FCRL2: variants seen among roughly 807,000 people sequenced by gnomAD.
FCRL2 encodes the protein Fc receptor like 2, also known as Fc receptor-like protein 2.
Under a neutral mutation model 59.8 loss-of-function variants are expected in FCRL2, and 48 were observed. That is an observed-to-expected ratio of 0.80 (90% CI 0.64 to 1.02). The LOEUF (loss-of-function observed/expected upper bound fraction) is 1.02. FCRL2 is among the 50% of genes least tolerant of loss of function. FCRL2 has a pLI of 0.00. For missense variants in FCRL2, 658 were observed against 597.3 expected, an observed-to-expected ratio of 1.10 and a Z score of -1.06; for synonymous variants, 251 against 229.5, an observed-to-expected ratio of 1.09 and a Z score of -0.85.
At chr1:157,767,202 A>T (rs1168451952) in intron 6 of FCRL2, 29 bp downstream of exon 6, 1 of 1,589,704 alleles carries the variant, frequency 6.3e-7, no homozygotes, top group Non-Finnish European at 8.6e-7. Context: ...ATTGACATCA[A>T]ACTCTGTATC....
At chr1:157,772,013 T>C (rs903146300) in intron 2 of FCRL2, among the ~76,000 whole-genome samples, 1 of 149,618 alleles carries the variant, frequency 6.7e-6, no homozygotes, top group African/African-American at 2.5e-5. Flanking sequence ...TGTTAGACAT[T>C]GGGGAACAAT....
intron 5 of FCRL2, chr1:157,767,764 C>T (rs1649637887): frequency 7.5e-7 from 1 of 1,333,522 alleles, no homozygotes; most frequent in Admixed American, 2.7e-5. Context: ...TGTGCCCATC[C>T]AGCCCTCTTC....
At chr1:157,772,579 T>C (rs1470163457) in intron 2 of FCRL2, among the ~76,000 whole-genome samples, 1 of 152,182 alleles carries the variant, frequency 6.6e-6, no homozygotes, top group Non-Finnish European at 1.5e-5. Context: ...CACCAGGAGA[T>C]ACTGATTGAT....
At chr1:157,747,937 G>T (rs1310865317) in intron 10 of FCRL2, among the ~76,000 whole-genome samples, 5 of 152,234 alleles carry the variant, frequency 3.3e-5, no homozygotes, top group East Asian at 3.9e-4. Flanking sequence ...ACTCTTGCCT[G>T]ATTTCCTTCT....
intron 7 of FCRL2, among the ~76,000 whole-genome samples, chr1:157,759,898 A>G (rs1422623265): frequency 1.3e-5 from 2 of 152,220 alleles, no homozygotes; most frequent in African/African-American, 4.8e-5. Flanking sequence ...TTCTCAAAGA[A>G]CTTAAAATAG....
chr1:157,774,761 C>T (rs1302843807), intron 2 of FCRL2, among the ~76,000 whole-genome samples: 1 of 152,162 alleles, frequency 6.6e-6, no homozygotes, highest in African/African-American at 2.4e-5. Context: ...TGCTCCTGAG[C>T]AAGTTCCAGG....
At chr1:157,748,671 T>C (rs1647949806) in intron 9 of FCRL2, 53 bp from the exon 10 acceptor site, 1 of 1,469,488 alleles carries the variant, frequency 6.8e-7, no homozygotes, top group Non-Finnish European at 9.5e-7. Flanking sequence ...GGTTCACACT[T>C]CATACACAGC....
rs567443376 is a variant in FCRL2 at position 157,757,451 on chromosome 1, C to T, written c.1280-7774G>A. Among the ~76,000 whole-genome samples, 7 of 151,900 alleles carry T rather than the reference C, an allele frequency of 4.6e-5. No individual in the cohort carries two copies. In the South Asian group the frequency reaches 1.0e-3, roughly 23 times the overall value. On this transcript the variant is annotated intron_variant, in intron 7 of 11. Transcript: ENST00000361516. The stretch of plus-strand genomic sequence containing the variant: ...TGTATAGGTATGTAACAAACCTGCA[C>T]GTTCTGCACATATACCCCAGAACTT...
At position 157,768,584 on chromosome 1, in the gene FCRL2, G is replaced by C. The variant is rs74608430; in HGVS notation, c.713C>G (p.Ser238Cys). ...VAGGTGNVTFSWYREATGTSM... is the reference protein window; with the variant it reads ...VAGGTGNVTFCWYREATGTSM... ...GGTTCCTGTGGCCTCTCTGTACCAG[G>C]AGAATGTGACATTTCCTGTACCCCC... The change falls in exon 5 of 12, where the codon TCC (serine) becomes TGC (cysteine). Residue 238 changes from serine to cysteine, a missense_variant. Ser to Cys is a moderately radical substitution (Grantham distance 112). Coordinates refer to ENST00000361516, the MANE Select transcript of FCRL2 (RefSeq NM_030764.4). The C allele has an allele frequency of 0.022, 35,109 of 1,614,152 alleles. 516 individuals are homozygous for C. The highest frequency in any genetic ancestry group is 0.027 in the Non-Finnish European group (31,484 of 1,180,024).
At chr1:157,748,255 A>G (rs962760680) in intron 10 of FCRL2, among the ~76,000 whole-genome samples, 3 of 152,088 alleles carry the variant, frequency 2.0e-5, no homozygotes, top group East Asian at 3.9e-4. Context: ...TACTAAAAAT[A>G]CAAAAATTAG....
At chr1:157,771,114 C>CTA (rs1649987800) in intron 2 of FCRL2, among the ~76,000 whole-genome samples, 3 of 152,092 alleles carry the variant, frequency 2.0e-5, no homozygotes, top group Non-Finnish European at 4.4e-5. Context: ...TCCCAAAGGC[C>CTA]CCACCTACAA....
chr1:157,768,882 C>T, intron 4 of FCRL2, 181 bp from the exon 5 acceptor site: 1 of 644,674 alleles, frequency 1.6e-6, no homozygotes, highest in East Asian at 2.8e-5. Flanking sequence ...TGGATAAAGA[C>T]ATTTGAATGT....
At position 157,770,053 on chromosome 1, in the gene FCRL2, C is replaced by T. The variant is rs748117391; in HGVS notation, c.408G>A (p.Arg136=). The change falls in exon 4 of 12, where the codon AGG becomes AGA. Residue 136 remains arginine, a synonymous_variant. Transcript: ENST00000361516. The part of the protein sequence containing the change: ...LKCETRLSPQ[R]LDVQLQFCFF... ...AGCAGAACTGGAGTTGAACATCCAA[C>T]CTCTGTGGAGAGAGCCGGGTCTCAC... 1.7e-5 allele frequency: 27 copies of T among 1,614,232 alleles called. No homozygotes were observed. The highest frequency in any genetic ancestry group is 1.0e-4 in the Admixed American group (6 of 60,030).
At chr1:157,771,282 C>T (rs1421041671) in intron 2 of FCRL2, among the ~76,000 whole-genome samples, 1 of 152,142 alleles carries the variant, frequency 6.6e-6, no homozygotes, top group African/African-American at 2.4e-5. Flanking sequence ...ATCGGTGACA[C>T]CACACAGGGA....
chr1:157,773,741 A>G (rs1156303275), intron 2 of FCRL2, among the ~76,000 whole-genome samples: 1 of 152,158 alleles, frequency 6.6e-6, no homozygotes, highest in African/African-American at 2.4e-5. Context: ...TCTAATCTGT[A>G]TGCACCATTA....
intron 10 of FCRL2, 68 bp from the exon 11 acceptor site, chr1:157,746,967 GC>G (rs1647795966): frequency 1.3e-6 from 2 of 1,516,032 alleles, no homozygotes; most frequent in East Asian, 4.5e-5. Flanking sequence ...CAGACTTTAT[GC>G]CCCAGGGCAT....
At chr1:157,751,981 AAG>A (rs1326037204) in intron 7 of FCRL2, among the ~76,000 whole-genome samples, 3 of 152,230 alleles carry the variant, frequency 2.0e-5, no homozygotes, top group South Asian at 2.1e-4. Flanking sequence ...AAGTTGAGGA[AAG>A]AGAGAAACAT....
At chr1:157,749,571 C>T in intron 8 of FCRL2, 79 bp downstream of exon 8, 1 of 980,810 alleles carries the variant, frequency 1.0e-6, no homozygotes, top group Non-Finnish European at 1.6e-6. Context: ...TCTCAACGTA[C>T]AAGCAGAGTA....
chr1:157,760,674 GGAAGGAAA>G (rs1243884332), intron 7 of FCRL2, among the ~76,000 whole-genome samples: 21 of 86,610 alleles, frequency 2.4e-4, no homozygotes, highest in African/African-American at 1.0e-3. Context: ...AAGGAAGGAA[GGAAGGAAA>G]GAAAGAAAGA....
Sources: allele counts gnomAD v4.1 joint callset (sites outside exome capture counted in the v4.1 genomes callset), GRCh38; gene constraint gnomAD v4.1.1; transcripts MANE v1.5; gene names NCBI Gene and HGNC (gene_info 2026-07-23, HGNC 2026-07-21).